The following GPATCH2 variants were observed in gnomAD, a reference collection of about 807,000 sequenced individuals.
GPATCH2 encodes G patch domain-containing protein 2.
Under a neutral mutation model 58.0 loss-of-function variants are expected in GPATCH2, and 51 were observed. The ratio of observed to expected loss-of-function variants is 0.88; its 90% confidence interval spans 0.70 to 1.11. GPATCH2 has a LOEUF of 1.11. Ranked by LOEUF, GPATCH2 falls within the 50% of genes most tolerant of loss-of-function variation. The pLI is 0.00. For missense variants in GPATCH2, 625 were observed against 652.2 expected (o/e 0.96, Z 0.45); for synonymous variants, 222 against 218.5 (o/e 1.02, Z -0.14).
At chr1:217,509,433 A>G (rs1662730569) in intron 6 of GPATCH2, among the ~76,000 whole-genome samples, 1 of 152,076 alleles carries the variant, frequency 6.6e-6, no homozygotes, top group East Asian at 1.9e-4. Flanking sequence ...AAAATACAAA[A>G]CTAACCTGCA....
At chr1:217,442,640 A>G (rs1659198645) in intron 9 of GPATCH2, among the ~76,000 whole-genome samples, 1 of 152,160 alleles carries the variant, frequency 6.6e-6, no homozygotes, top group Non-Finnish European at 1.5e-5. Context: ...GAGTAAAGAG[A>G]GTATTCTAAC....
chr1:217,489,053 T>C (rs954284637), intron 8 of GPATCH2, among the ~76,000 whole-genome samples: 4 of 151,876 alleles, frequency 2.6e-5, no homozygotes, highest in African/African-American at 9.7e-5. Flanking sequence ...TCTAATTTTA[T>C]GCTTTCTATG....
intron 1 of GPATCH2, among the ~76,000 whole-genome samples, chr1:217,620,886 G>A (rs946626634): frequency 5.3e-5 from 8 of 151,948 alleles, no homozygotes; most frequent in African/African-American, 1.7e-4. Context: ...TCCCCTCTTC[G>A]CCCACTAATC....
chr1:217,516,206 T>G (rs1214987319), intron 5 of GPATCH2, among the ~76,000 whole-genome samples: 1 of 129,176 alleles, frequency 7.7e-6, no homozygotes, highest in Non-Finnish European at 1.6e-5. Context: ...AGCAAAAGGC[T>G]TTAAGTTATG....
At position 217,601,336 on chromosome 1, in the gene GPATCH2, T is replaced by G. The variant is rs550375166; in HGVS notation, c.1098+8985A>C. On this transcript the variant is annotated intron_variant, in intron 5 of 9. Transcript: ENST00000366935. ...GATGGACATCGTAATTAATCTGATTTATTACATATTGCTTACGTGTTTCAA... is the reference window on the plus strand; with the variant it reads ...GATGGACATCGTAATTAATCTGATTGATTACATATTGCTTACGTGTTTCAA... 1.1e-4 allele frequency among the ~76,000 whole-genome samples: 16 copies of G among 152,202 alleles called. 1 individual carries two copies. The South Asian group carries it at 3.3e-3, about 32-fold the overall frequency.
intron 8 of GPATCH2, among the ~76,000 whole-genome samples, chr1:217,482,908 C>G (rs559653090): frequency 6.6e-6 from 1 of 152,130 alleles, no homozygotes; most frequent in East Asian, 1.9e-4. Context: ...CTCCCACATC[C>G]CCCTGGTCCT....
intron 1 of GPATCH2, among the ~76,000 whole-genome samples, chr1:217,626,356 G>T (rs1301874756): frequency 1.3e-5 from 2 of 152,134 alleles, no homozygotes; most frequent in Admixed American, 1.3e-4. Context: ...TTAACACAAA[G>T]ATAGTCTTGT....
At chr1:217,460,747 C>T (rs920824530) in intron 8 of GPATCH2, among the ~76,000 whole-genome samples, 1 of 152,174 alleles carries the variant, frequency 6.6e-6, no homozygotes, top group African/African-American at 2.4e-5. Context: ...TTAATTTATG[C>T]AGTTTATTAA....
chr1:217,578,588 T>C (rs1666917810), intron 5 of GPATCH2, among the ~76,000 whole-genome samples: 1 of 152,192 alleles, frequency 6.6e-6, no homozygotes, highest in Admixed American at 6.5e-5. Context: ...TGGCTGAGGT[T>C]TCTGGTACCA....
chr1:217,445,756 C>T (rs1169263848), intron 9 of GPATCH2, among the ~76,000 whole-genome samples: 1 of 152,080 alleles, frequency 6.6e-6, no homozygotes, highest in South Asian at 2.1e-4. Flanking sequence ...TTTGGTGTTC[C>T]TGTCACAATT....
intron 8 of GPATCH2, among the ~76,000 whole-genome samples, chr1:217,472,112 G>A (rs7522612): frequency 0.095 from 14,506 of 151,978 alleles, 1,331 homozygotes; most frequent in African/African-American, 0.24. Flanking sequence ...TGCCATATCC[G>A]TAAGAAAAGG....
intron 5 of GPATCH2, among the ~76,000 whole-genome samples, chr1:217,606,755 C>T (rs370310611): frequency 6.6e-6 from 1 of 151,842 alleles, no homozygotes; most frequent in African/African-American, 2.4e-5. Context: ...AAAAGAAATA[C>T]CAGAAAAGTT....
At chr1:217,490,965 G>A (rs540830064) in intron 8 of GPATCH2, among the ~76,000 whole-genome samples, 1 of 152,284 alleles carries the variant, frequency 6.6e-6, no homozygotes, top group East Asian at 1.9e-4. Context: ...CTGTATTTTG[G>A]TTACTTGGGA....
chr1:217,431,339 T>C lies in GPATCH2; in HGVS notation c.1393A>G (p.Ile465Val). ...AGFVGENAQP[I>V]LENNIGNRML... Reference sequence around the variant, plus strand: ...CGGTTTCCAATATTATTTTCTAGGATTGGCTGGGCATTTTCACCTACAAAT... The same window carrying C: ...CGGTTTCCAATATTATTTTCTAGGACTGGCTGGGCATTTTCACCTACAAAT... Residue 465 changes from isoleucine to valine, a missense_variant, in exon 10 of 10, where the codon ATC (isoleucine) becomes GTC (valine). By Grantham distance (29) the Ile-to-Val change is conservative. Coordinates refer to ENST00000366935, the MANE Select transcript of GPATCH2 (RefSeq NM_018040.5). 2 of 1,603,080 alleles carry C rather than the reference T, an allele frequency of 1.2e-6. No individual in the cohort carries two copies. The highest frequency in any genetic ancestry group is 8.5e-7 in the Non-Finnish European group (1 of 1,169,886).
In GPATCH2 at chr1:217,490,345, G is replaced by A. The variant is rs919707992; in HGVS notation, c.1277+1335C>T. On this transcript the variant is annotated intron_variant, in intron 8 of 9. Transcript: ENST00000366935. ...TGGTATATTATTAGGTGTGGATTTC[G>A]TTTTATTTATCGTGCATGTTATTCA... Among the ~76,000 whole-genome samples, 15 of 152,040 alleles carry A rather than the reference G, an allele frequency of 9.9e-5. No individual in the cohort carries two copies. In the South Asian group the frequency reaches 2.3e-3, roughly 23 times the overall value.
At chr1:217,629,095 G>A (rs1669603228) in intron 1 of GPATCH2, among the ~76,000 whole-genome samples, 1 of 152,036 alleles carries the variant, frequency 6.6e-6, no homozygotes. Flanking sequence ...CTAATTAACT[G>A]CTTAGTAGCA....
At chr1:217,480,215 G>A (rs1321849993) in intron 8 of GPATCH2, among the ~76,000 whole-genome samples, 1 of 151,942 alleles carries the variant, frequency 6.6e-6, no homozygotes, top group Middle Eastern at 3.4e-3. Flanking sequence ...TCAGAGAATG[G>A]GAGAAAATAT....
chr1:217,523,806 A>AT (rs1558456116), intron 5 of GPATCH2, among the ~76,000 whole-genome samples: 2 of 131,674 alleles, frequency 1.5e-5, no homozygotes, highest in Admixed American at 7.3e-5. Context: ...TGGGGGGCTG[A>AT]CCCCCCCACC....
chr1:217,495,018 C>T (rs1895635), intron 7 of GPATCH2: 23,066 of 363,864 alleles, frequency 0.063, 1,972 homozygotes, highest in African/African-American at 0.28. Flanking sequence ...TTCTTACCTT[C>T]CAACTTTCAG....
Sources: gnomAD v4.1 joint callset for allele counts (sites outside exome capture counted in the v4.1 genomes callset) on GRCh38, gnomAD v4.1.1 for gene constraint, MANE v1.5 for transcripts, NCBI Gene and HGNC (gene_info 2026-07-23, HGNC 2026-07-21) for gene names.